Variants in MBTPS1 observed in about 807,000 individuals in gnomAD.
The protein encoded by MBTPS1 is membrane bound transcription factor peptidase, site 1.
Under a neutral mutation model 127.8 loss-of-function variants are expected in MBTPS1, and 94 were observed. The ratio of observed to expected loss-of-function variants is 0.74; its 90% CI spans 0.62 to 0.87. The LOEUF (loss-of-function observed/expected upper bound fraction) is 0.87, where lower values mean the gene tolerates loss of function less well. Ranked by LOEUF, MBTPS1 falls within the 40% of genes least tolerant of loss-of-function variation. The pLI is 0.00. For synonymous variants in MBTPS1, 632 were observed against 509.4 expected, an observed-to-expected ratio of 1.24 and a Z score of -3.24; for missense variants, 1,636 against 1,353.2, an observed-to-expected ratio of 1.21 and a Z score of -3.28.
intron 1 of MBTPS1, among the ~76,000 whole-genome samples, chr16:84,112,656 G>A (rs1344266470): frequency 2.4e-5 from 3 of 126,586 alleles, no homozygotes; most frequent in Non-Finnish European, 5.0e-5. Flanking sequence ...AGCGAGACTC[G>A]GTCTCAAAAA....
intron 12 of MBTPS1, among the ~76,000 whole-genome samples, chr16:84,071,197 C>A (rs1236269038): frequency 6.6e-6 from 1 of 152,320 alleles, no homozygotes; most frequent in African/African-American, 2.4e-5. Flanking sequence ...GGGACACCAG[C>A]TGTCCCGAGT....
intron 18 of MBTPS1, among the ~76,000 whole-genome samples, chr16:84,064,003 T>A (rs958789714): frequency 6.6e-6 from 1 of 152,220 alleles, no homozygotes; most frequent in African/African-American, 2.4e-5. Context: ...CAAAGACACA[T>A]GTTCCAATAG....
At chr16:84,082,860 C>T (rs2085961140) in intron 10 of MBTPS1, among the ~76,000 whole-genome samples, 2 of 152,254 alleles carry the variant, frequency 1.3e-5, no homozygotes, top group African/African-American at 4.8e-5. Flanking sequence ...TTGCGTTCCA[C>T]TGCCTTTCAC....
At chr16:84,073,285 C>T (rs1233998344) in intron 12 of MBTPS1, among the ~76,000 whole-genome samples, 16 of 152,104 alleles carry the variant, frequency 1.1e-4, no homozygotes, top group Admixed American at 1.0e-3. Flanking sequence ...AAGCGTGTGT[C>T]ACCACGCCCA....
chr16:84,083,346 G>C (rs1441056537), intron 10 of MBTPS1, among the ~76,000 whole-genome samples: 2 of 152,190 alleles, frequency 1.3e-5, no homozygotes. Flanking sequence ...TTTCCAGCAA[G>C]CACATGGTTA....
intron 8 of MBTPS1, 101 bp downstream of exon 8, chr16:84,090,774 C>T: frequency 1.2e-6 from 1 of 853,146 alleles, no homozygotes; most frequent in Non-Finnish European, 2.0e-6. Flanking sequence ...TTTAGACAGA[C>T]ATAAACAAGT....
At chr16:84,058,182 T>C (rs1246479436) in intron 21 of MBTPS1, 1 of 152,382 alleles carries the variant, frequency 6.6e-6, no homozygotes, top group South Asian at 2.1e-4. Context: ...ACCATTTTCC[T>C]GTGTTCTATT....
At chr16:84,077,733 G>C (rs1229196252) in intron 11 of MBTPS1, among the ~76,000 whole-genome samples, 1 of 152,162 alleles carries the variant, frequency 6.6e-6, no homozygotes, top group African/African-American at 2.4e-5. Flanking sequence ...ATCAGCTGAA[G>C]AGTAACAAAT....
At chr16:84,079,368 A>G (rs1481007982) in intron 11 of MBTPS1, among the ~76,000 whole-genome samples, 1 of 152,230 alleles carries the variant, frequency 6.6e-6, no homozygotes, top group African/African-American at 2.4e-5. Context: ...CACACACCCA[A>G]TAACAAGTTA....
At position 84,081,667 on chromosome 16, in the gene MBTPS1, C is replaced by G. The variant is rs1364786004; in HGVS notation, c.1448+80G>C. The G allele has an allele frequency of 3.6e-6, 4 of 1,124,960 alleles. No individual in the cohort carries two copies. In the African/African-American group the frequency reaches 6.4e-5, roughly 18 times the overall value. 69.7% of individuals were successfully genotyped at this position (1,124,960 alleles called of 1,614,324 possible). A position where few individuals can be genotyped will look rare whatever the true frequency, so the allele number is the denominator to read the frequency against. ...TTAGTCATCATTTTCTGTTTTGAGG[C>G]TTGTATTTTGTGCAGAGGGAAAATT... On this transcript the variant is annotated intron_variant, in intron 11 of 22. Transcript: ENST00000343411.
intron 11 of MBTPS1, among the ~76,000 whole-genome samples, chr16:84,077,749 T>A (rs79580093): frequency 0.063 from 9,575 of 152,126 alleles, 367 homozygotes; most frequent in Admixed American, 0.1. Flanking sequence ...CAAATGTGAC[T>A]ATTAAAAAAC....
At position 84,068,225 on chromosome 16, in the gene MBTPS1, G is replaced by A. The variant is rs189658548; in HGVS notation, c.2071+114C>T. On this transcript the variant is annotated intron_variant, in intron 15 of 22. Coordinates refer to ENST00000343411, the MANE Select transcript of MBTPS1 (RefSeq NM_003791.4). Reference sequence around the variant, plus strand: ...AGGCTCACCCAGCTGTGGGGCCCACGGCGCATACTCCCTTGGTAGCTATCA... The same window carrying A: ...AGGCTCACCCAGCTGTGGGGCCCACAGCGCATACTCCCTTGGTAGCTATCA... 3.1e-4 allele frequency: 234 copies of A among 752,976 alleles called. 1 individual carries two copies. In the East Asian group the frequency reaches 5.3e-3, roughly 17 times the overall value. The allele number at this position is 752,976 out of a possible 1,614,324, so 46.6% of individuals were successfully genotyped here.
chr16:84,106,936 G>A (rs1251747048), intron 1 of MBTPS1, among the ~76,000 whole-genome samples: 1 of 152,166 alleles, frequency 6.6e-6, no homozygotes, highest in Non-Finnish European at 1.5e-5. Flanking sequence ...AAGGCTGGTT[G>A]CCCGACTGGA....
In MBTPS1 at chr16:84,116,770, G is replaced by T. The variant is rs1158943018; in HGVS notation, c.-360C>A. The T allele has an allele frequency of 6.6e-6, 1 of 152,132 alleles. No homozygotes were observed. The highest frequency in any genetic ancestry group is 2.4e-5 in the African/African-American group (1 of 41,446). 9.4% of individuals were successfully genotyped at this position (152,132 alleles called of 1,614,324 possible). Reference sequence around the variant, plus strand: ...GGGAGCTCAGGGCCGGCGGGCCCGGGATAACGGCGCCTCCGCGGCGAACAC... The same window carrying T: ...GGGAGCTCAGGGCCGGCGGGCCCGGTATAACGGCGCCTCCGCGGCGAACAC... On this transcript the variant is annotated 5_prime_UTR_variant, in exon 1 of 23. Transcript: ENST00000343411.
At position 84,074,533 on chromosome 16, in the gene MBTPS1, T is replaced by C. The variant is rs1342788328; in HGVS notation, c.1593+64A>G. On this transcript the variant is annotated intron_variant, in intron 12 of 22. Coordinates refer to ENST00000343411, the MANE Select transcript of MBTPS1 (RefSeq NM_003791.4). ...AACTTCAGCAGAAGTAACTATGGCC[T>C]AAAGGTCTGGGCTGTGTCTAAGTTC... 2.6e-6 allele frequency: 4 copies of C among 1,537,528 alleles called. No individual in the cohort carries two copies. The East Asian group carries it at 6.8e-5, about 26-fold the overall frequency.
At chr16:84,089,054 T>A (rs1163340726) in intron 8 of MBTPS1, among the ~76,000 whole-genome samples, 1 of 152,158 alleles carries the variant, frequency 6.6e-6, no homozygotes, top group African/African-American at 2.4e-5. Context: ...GCAGCCAGCG[T>A]GTGACAAAAC....
Position 84,060,695 on chromosome 16 carries a change from T to C in MBTPS1, c.2691A>G (p.Pro897=). 1 of 1,613,980 alleles carries C rather than the reference T, an allele frequency of 6.2e-7. No homozygotes were observed. Among genetic ancestry groups the C allele is most frequent in the Non-Finnish European group, 8.5e-7 (1 of 1,179,908 alleles). ...RPPSGAGSVT[P]ERMEGNHLHR... ...CCATCCACTCACCTTCCATCCTCTC[T>C]GGAGTGACTGAGCCTGCTCCACTGG... The change falls in exon 20 of 23, where the codon CCA becomes CCG. Residue 897 remains proline, a synonymous_variant. Coordinates refer to ENST00000343411, the MANE Select transcript of MBTPS1 (RefSeq NM_003791.4).
intron 1 of MBTPS1, among the ~76,000 whole-genome samples, chr16:84,106,155 C>A (rs772964221): frequency 6.6e-6 from 1 of 151,966 alleles, no homozygotes; most frequent in African/African-American, 2.4e-5. Context: ...ATTAGTCGTG[C>A]GTGGCGACAG....
At chr16:84,058,328 G>A (rs2085550549) in intron 21 of MBTPS1, among the ~76,000 whole-genome samples, 1 of 152,220 alleles carries the variant, frequency 6.6e-6, no homozygotes, top group African/African-American at 2.4e-5. Context: ...CAGGACGGAA[G>A]GTGGCCTCCG....
Sources: allele counts gnomAD v4.1 joint callset (sites outside exome capture counted in the v4.1 genomes callset), GRCh38; gene constraint gnomAD v4.1.1; transcripts MANE v1.5; gene names NCBI Gene and HGNC (gene_info 2026-07-23, HGNC 2026-07-21).